ANKS1B: variants seen among roughly 807,000 people sequenced by gnomAD.
The protein encoded by ANKS1B is ankyrin repeat and sterile alpha motif domain containing 1B.
A neutral mutation model predicts 148.3 loss-of-function variants in ANKS1B; 36 were observed. That is an observed-to-expected ratio of 0.24 (90% CI 0.19 to 0.32). The LOEUF is 0.32. ANKS1B is among the 10% of genes least tolerant of loss of function. The probability of loss-of-function intolerance (pLI) is 1.00; values close to 1 mark genes in which losing one functional copy is unlikely to be tolerated. For synonymous variants in ANKS1B, 542 were observed against 560.8 expected, an observed-to-expected ratio of 0.97 and a Z score of 0.47; for missense variants, 1,157 against 1,542.6, an observed-to-expected ratio of 0.75 and a Z score of 4.19.
intron 10 of ANKS1B, among the ~76,000 whole-genome samples, chr12:99,459,821 A>G (rs1050446363): frequency 1.3e-5 from 2 of 152,056 alleles, no homozygotes; most frequent in African/African-American, 2.4e-5. Context: ...GTGAAAAATG[A>G]CCATACTGCC....
In ANKS1B at chr12:99,203,600, G is replaced by A. The variant is rs559165810; in HGVS notation, c.2419+40742C>T. On this transcript the variant is annotated intron_variant, in intron 14 of 26. Coordinates refer to ENST00000683438, the MANE Select transcript of ANKS1B (RefSeq NM_001352186.2). The stretch of plus-strand genomic sequence containing the variant: ...CAAGTAGCTGGGACTACAGGTGCCC[G>A]CCACCAAGCCCGACAAATTTTTTTG... Among the ~76,000 whole-genome samples, 13 of 152,000 alleles carry A rather than the reference G, an allele frequency of 8.6e-5. No homozygotes were observed. The South Asian group carries it at 1.2e-3, about 15-fold the overall frequency.
Position 98,744,429 on chromosome 12 carries a change from A to T in ANKS1B, c.*1310T>A, listed in dbSNP as rs745479268. The T allele has an allele frequency of 8.5e-6, 7 of 819,278 alleles. No individual in the cohort carries two copies. The highest frequency in any genetic ancestry group is 1.0e-5 in the Non-Finnish European group (7 of 678,264). The allele number at this position is 819,278 out of a possible 1,614,324, so 50.8% of individuals were successfully genotyped here. A position where few individuals can be genotyped will look rare whatever the true frequency, so the allele number is the denominator to read the frequency against. On this transcript the variant is annotated 3_prime_UTR_variant, in exon 27 of 27. Transcript: ENST00000683438. The stretch of plus-strand genomic sequence containing the variant: ...TATCAATATCGCTATAATGAACTTC[A>T]AAATGATTCACAATATGATTGTTAG...
intron 15 of ANKS1B, among the ~76,000 whole-genome samples, chr12:99,146,878 AAGT>A (rs1261830080): frequency 1.3e-5 from 2 of 152,086 alleles, no homozygotes; most frequent in African/African-American, 4.8e-5. Flanking sequence ...TCGAAACTGA[AAGT>A]AGGGTCAGCG....
At chr12:99,942,454 T>G (rs1394368586) in intron 1 of ANKS1B, among the ~76,000 whole-genome samples, 1 of 152,058 alleles carries the variant, frequency 6.6e-6, no homozygotes, top group Non-Finnish European at 1.5e-5. Flanking sequence ...TGGAACAAAC[T>G]GCTCTCTTGA....
chr12:99,674,039 CAACT>C, intron 8 of ANKS1B, among the ~76,000 whole-genome samples: 1 of 151,604 alleles, frequency 6.6e-6, no homozygotes, highest in South Asian at 2.1e-4. Context: ...AAAATTAAAA[CAACT>C]AACAATAACC....
intron 8 of ANKS1B, among the ~76,000 whole-genome samples, chr12:99,658,786 T>A (rs2098462208): frequency 6.6e-6 from 1 of 152,192 alleles, no homozygotes; most frequent in African/African-American, 2.4e-5. Flanking sequence ...TAAGTACTGC[T>A]ATTTTATTTT....
intron 9 of ANKS1B, among the ~76,000 whole-genome samples, chr12:99,592,503 A>G (rs2097713027): frequency 6.6e-6 from 1 of 151,926 alleles, no homozygotes; most frequent in South Asian, 2.1e-4. Context: ...GGTGAAAAGA[A>G]TTTATTTTTA....
At chr12:99,431,574 A>G (rs1439678771) in intron 11 of ANKS1B, among the ~76,000 whole-genome samples, 1 of 152,204 alleles carries the variant, frequency 6.6e-6, no homozygotes, top group Non-Finnish European at 1.5e-5. Context: ...CAGTGAAGAA[A>G]TTATTTAACC....
At chr12:99,605,012 G>T (rs973904233) in intron 9 of ANKS1B, among the ~76,000 whole-genome samples, 3 of 151,598 alleles carry the variant, frequency 2.0e-5, no homozygotes, top group Non-Finnish European at 4.4e-5. Flanking sequence ...TTACATAAAA[G>T]GAATAAAAAC....
intron 6 of ANKS1B, among the ~76,000 whole-genome samples, chr12:99,777,645 C>T (rs2063788189): frequency 6.6e-6 from 1 of 152,028 alleles, no homozygotes; most frequent in Non-Finnish European, 1.5e-5. Context: ...AGTGCAGTGG[C>T]GCGATCTCGG....
intron 15 of ANKS1B, among the ~76,000 whole-genome samples, chr12:99,098,580 G>C (rs2056952811): frequency 8.5e-6 from 1 of 118,162 alleles, no homozygotes; most frequent in African/African-American, 3.2e-5. Flanking sequence ...AAACTCTAAA[G>C]TAAAATTGCT....
chr12:99,141,753 A>G (rs929719942), intron 15 of ANKS1B, among the ~76,000 whole-genome samples: 11 of 152,066 alleles, frequency 7.2e-5, no homozygotes, highest in Admixed American at 6.6e-5. Context: ...TGCGGAGAAC[A>G]TGTTATCATA....
chr12:99,091,918 G>C (rs987675472), intron 15 of ANKS1B, among the ~76,000 whole-genome samples: 5 of 151,282 alleles, frequency 3.3e-5, no homozygotes, highest in Non-Finnish European at 7.4e-5. Context: ...AAAAAACATG[G>C]TTAGATCCAC....
chr12:98,876,951 T>C (rs947974350), intron 17 of ANKS1B, among the ~76,000 whole-genome samples: 1 of 152,216 alleles, frequency 6.6e-6, no homozygotes, highest in Non-Finnish European at 1.5e-5. Flanking sequence ...ATTTTCACTG[T>C]GAGTTTATTC....
intron 17 of ANKS1B, among the ~76,000 whole-genome samples, chr12:98,837,971 A>G (rs1281935937): frequency 6.6e-6 from 1 of 152,154 alleles, no homozygotes; most frequent in Non-Finnish European, 1.5e-5. Flanking sequence ...CACAAACTAT[A>G]TCTAAATAGA....
At chr12:99,346,599 T>C (rs138000986) in intron 12 of ANKS1B, among the ~76,000 whole-genome samples, 3 of 151,768 alleles carry the variant, frequency 2.0e-5, no homozygotes, top group African/African-American at 7.3e-5. Context: ...TACTCTCCAC[T>C]GAAAAGCAAA....
intron 9 of ANKS1B, among the ~76,000 whole-genome samples, chr12:99,507,005 GT>G (rs1398790831): frequency 6.6e-6 from 1 of 151,910 alleles, no homozygotes; most frequent in Non-Finnish European, 1.5e-5. Flanking sequence ...CCTGCCAATA[GT>G]TGATGAGTTG....
intron 15 of ANKS1B, among the ~76,000 whole-genome samples, chr12:99,138,603 C>T (rs1291192174): frequency 6.6e-6 from 1 of 152,156 alleles, no homozygotes; most frequent in Non-Finnish European, 1.5e-5. Flanking sequence ...AAGCTGTCTT[C>T]TCATATGGTG....
chr12:99,638,097 C>T (rs1034615890), intron 9 of ANKS1B, among the ~76,000 whole-genome samples: 1 of 152,102 alleles, frequency 6.6e-6, no homozygotes, highest in South Asian at 2.1e-4. Flanking sequence ...TGAAGAAGAA[C>T]ATATTTGTTT....
Sources: gnomAD v4.1 joint callset for allele counts (sites outside exome capture counted in the v4.1 genomes callset) on GRCh38, gnomAD v4.1.1 for gene constraint, MANE v1.5 for transcripts, NCBI Gene and HGNC (gene_info 2026-07-23, HGNC 2026-07-21) for gene names.